Variants in MGAT4D observed in about 807,000 individuals in gnomAD.
MGAT4D encodes the protein MGAT4 family member D.
Under a neutral mutation model 15.9 loss-of-function variants are expected in MGAT4D, and 34 were observed. The observed-to-expected ratio is 2.14, with a 90% confidence interval of 1.62 to 2.84. The LOEUF (loss-of-function observed/expected upper bound fraction) is 2.84. MGAT4D is among the 30% of genes most tolerant of loss of function. The pLI is 0.00. For synonymous variants in MGAT4D, 112 were observed against 48.2 expected, an observed-to-expected ratio of 2.33 and a Z score of -5.49; for missense variants, 327 against 140.2, an observed-to-expected ratio of 2.33 and a Z score of -6.73.
chr4:140,488,282 CTG>C (rs1733274744), intron 1 of MGAT4D, among the ~76,000 whole-genome samples: 1 of 152,146 alleles, frequency 6.6e-6, no homozygotes, highest in Non-Finnish European at 1.5e-5. Context: ...AAGAAGCATG[CTG>C]AGATTTCTAT....
intron 1 of MGAT4D, among the ~76,000 whole-genome samples, chr4:140,495,307 A>G (rs1733765457): frequency 6.6e-6 from 1 of 152,166 alleles, no homozygotes; most frequent in South Asian, 2.1e-4. Context: ...CTTTCCTTTA[A>G]AACAGCACTT....
chr4:140,445,111 C>T (rs1463687519), intron 10 of MGAT4D, among the ~76,000 whole-genome samples: 1 of 152,096 alleles, frequency 6.6e-6, no homozygotes, highest in Admixed American at 6.6e-5. Context: ...TCTCGAACTC[C>T]TGACCTCAGG....
At chr4:140,479,439 C>A in intron 3 of MGAT4D, 51 bp downstream of exon 3, 1 of 413,728 alleles carries the variant, frequency 2.4e-6, no homozygotes, top group Non-Finnish European at 4.3e-6. Flanking sequence ...AAAGTATGTC[C>A]CCAAAGATCA....
At chr4:140,443,493 A>G in intron 10 of MGAT4D, 49 bp from the exon 11 acceptor site, 1 of 499,126 alleles carries the variant, frequency 2.0e-6, no homozygotes, top group Non-Finnish European at 3.5e-6. Flanking sequence ...ATATTAATTC[A>G]TAAAGATGAA....
intron 1 of MGAT4D, 33 bp downstream of exon 1, chr4:140,498,096 G>C: frequency 1.4e-6 from 1 of 695,028 alleles, no homozygotes. Flanking sequence ...CCCCGCGGCG[G>C]GAAAGGAGGC....
At chr4:140,466,887 G>T (rs1465173128) in intron 5 of MGAT4D, among the ~76,000 whole-genome samples, 3 of 152,132 alleles carry the variant, frequency 2.0e-5, no homozygotes, top group Non-Finnish European at 4.4e-5. Flanking sequence ...AGCATATTGT[G>T]CTAGAGCGAA....
chr4:140,468,207 G>A (rs1425800349), intron 5 of MGAT4D, among the ~76,000 whole-genome samples: 1 of 151,652 alleles, frequency 6.6e-6, no homozygotes, highest in African/African-American at 2.4e-5. Context: ...TCCTGCATTG[G>A]TATTATCAAT....
intron 9 of MGAT4D, among the ~76,000 whole-genome samples, chr4:140,452,372 CA>C (rs1248387241): frequency 2.0e-5 from 3 of 152,030 alleles, no homozygotes; most frequent in Non-Finnish European, 4.4e-5. Flanking sequence ...GAAATATTAA[CA>C]GTTTCTCTTT....
At position 140,470,866 on chromosome 4, in the gene MGAT4D, T is replaced by TCTTC. The variant is rs577234277; in HGVS notation, c.572+905_572+908dup. On this transcript the variant is annotated intron_variant, in intron 5 of 10. Coordinates refer to ENST00000511113, the MANE Select transcript of MGAT4D (RefSeq NM_001277353.2). The stretch of plus-strand genomic sequence containing the variant: ...CATCACCACTAGGACAATGCTAGCC[T>TCTTC]CTTCCTTCCTTTATTTTATAATTTT... 2.0e-5 allele frequency among the ~76,000 whole-genome samples: 3 copies of TCTTC among 151,850 alleles called. No individual in the cohort carries two copies. In the South Asian group the frequency reaches 6.2e-4, roughly 32 times the overall value.
chr4:140,464,723 G>T (rs1200123692), intron 6 of MGAT4D, among the ~76,000 whole-genome samples, 173 bp downstream of exon 6: 2 of 152,166 alleles, frequency 1.3e-5, no homozygotes, highest in African/African-American at 4.8e-5. Context: ...CTATCAACTC[G>T]ATGTTATTGA....
chr4:140,465,805 G>A (rs115036459), intron 5 of MGAT4D, among the ~76,000 whole-genome samples: 1,650 of 152,232 alleles, frequency 0.011, 14 homozygotes, highest in Non-Finnish European at 0.017. Context: ...TCCTTGCTTT[G>A]TACAATTCTG....
rs1490777118 is a variant in MGAT4D, at chr4:140,455,087, CTATTAT to C, written c.1008+1496_1008+1501del. 7.9e-5 allele frequency among the ~76,000 whole-genome samples: 12 copies of C among 152,032 alleles called. No individual in the cohort carries two copies. The East Asian group carries it at 2.3e-3, about 29-fold the overall frequency. ...CTTTTAATTTTGCTGTTTTCTTTTA[CTATTAT>C]TATTTTCTTCCCTCTCTTCCTTTGC... On this transcript the variant is annotated intron_variant, in intron 9 of 10. Transcript: ENST00000511113.
At position 140,464,883 on chromosome 4, in the gene MGAT4D, T is replaced by C. The variant is rs966458160; in HGVS notation, c.686+13A>G. The stretch of plus-strand genomic sequence containing the variant: ...TTAGTTATTTAAGGCTACTATTTTC[T>C]AATATGACATACCTGGCTAATTTTT... On this transcript the variant is annotated intron_variant, in intron 6 of 10. Coordinates refer to ENST00000511113, the MANE Select transcript of MGAT4D (RefSeq NM_001277353.2). 2.9e-6 allele frequency: 2 copies of C among 701,380 alleles called. No homozygotes were observed. Among genetic ancestry groups the C allele is most frequent in the African/African-American group, 3.5e-5 (2 of 57,178 alleles). The allele number at this position is 701,380 out of a possible 1,614,324, so 43.4% of individuals were successfully genotyped here. A position where few individuals can be genotyped will look rare whatever the true frequency, so the allele number is the denominator to read the frequency against.
chr4:140,459,739 T>A, intron 7 of MGAT4D, 113 bp from the exon 8 acceptor site: 2 of 303,002 alleles, frequency 6.6e-6, no homozygotes, highest in Non-Finnish European at 6.0e-6. Context: ...AATGGTTTTA[T>A]AAAATAATAA....
chr4:140,469,028 C>CT (rs1731737212), intron 5 of MGAT4D, among the ~76,000 whole-genome samples: 1 of 152,184 alleles, frequency 6.6e-6, no homozygotes, highest in African/African-American at 2.4e-5. Flanking sequence ...CCTCTCTCTA[C>CT]TGCAGCACAA....
intron 2 of MGAT4D, among the ~76,000 whole-genome samples, chr4:140,481,050 G>A (rs1031144833): frequency 3.9e-5 from 6 of 152,298 alleles, no homozygotes; most frequent in South Asian, 4.1e-4. Flanking sequence ...GCATGGTCCC[G>A]TAATTCCAGC....
intron 3 of MGAT4D, among the ~76,000 whole-genome samples, chr4:140,477,813 A>G (rs1033249949): frequency 4.6e-5 from 7 of 152,256 alleles, no homozygotes; most frequent in African/African-American, 1.7e-4. Flanking sequence ...CGAGGAAAGT[A>G]TGAAGAATGG....
intron 1 of MGAT4D, among the ~76,000 whole-genome samples, chr4:140,492,506 T>C (rs962974830): frequency 1.3e-5 from 2 of 152,100 alleles, no homozygotes; most frequent in Admixed American, 1.3e-4. Context: ...CACGCGCCTG[T>C]AGTCCCAGCT....
At chr4:140,465,136 T>C (rs1731448115) in intron 5 of MGAT4D, 127 bp from the exon 6 acceptor site, 1 of 557,602 alleles carries the variant, frequency 1.8e-6, no homozygotes, top group African/African-American at 1.9e-5. Flanking sequence ...CACATGTTGA[T>C]ACATGATACC....
Sources: allele counts gnomAD v4.1 joint callset (sites outside exome capture counted in the v4.1 genomes callset), GRCh38; gene constraint gnomAD v4.1.1; transcripts MANE v1.5; gene names NCBI Gene and HGNC (gene_info 2026-07-23, HGNC 2026-07-21).